KAZN: variants seen among roughly 807,000 people sequenced by gnomAD.
The protein encoded by KAZN is kazrin, periplakin interacting protein.
KAZN carries 40 observed loss-of-function variants against 87.4 expected under a neutral mutation model. The ratio of observed to expected loss-of-function variants is 0.46; its 90% CI spans 0.36 to 0.60. The LOEUF (loss-of-function observed/expected upper bound fraction) is 0.60, where lower values mean the gene tolerates loss of function less well. Ranked by LOEUF, KAZN falls within the 20% of genes least tolerant of loss-of-function variation. The probability of loss-of-function intolerance (pLI) is 0.00; values close to 1 mark genes in which losing one functional copy is unlikely to be tolerated. For synonymous variants in KAZN, 466 were observed against 458.3 expected, an observed-to-expected ratio of 1.02 and a Z score of -0.22; for missense variants, 898 against 1,073.9, an observed-to-expected ratio of 0.84 and a Z score of 2.29.
intron 8 of KAZN, among the ~76,000 whole-genome samples, chr1:15,089,282 A>C (rs986167463): frequency 6.6e-6 from 1 of 152,106 alleles, no homozygotes; most frequent in Non-Finnish European, 1.5e-5. Flanking sequence ...CAAGGGCTGC[A>C]GACACCCCCC....
At chr1:14,998,820 G>T (rs914404435) in intron 2 of KAZN, among the ~76,000 whole-genome samples, 11 of 152,190 alleles carry the variant, frequency 7.2e-5, no homozygotes, top group Admixed American at 6.5e-4. Flanking sequence ...ACAGTGCTGG[G>T]ATTACAGGCG....
intron 1 of KAZN, among the ~76,000 whole-genome samples, chr1:14,731,360 GC>G (rs1490773645): frequency 6.6e-6 from 1 of 152,176 alleles, no homozygotes; most frequent in Non-Finnish European, 1.5e-5. Context: ...CAGTCAAGAT[GC>G]CCAAGCCAGC....
rs1217758408 is a variant in KAZN at position 14,871,831 on chromosome 1, A to T, written c.227-88853A>T. Among the ~76,000 whole-genome samples, 4 of 152,082 alleles carry T rather than the reference A, an allele frequency of 2.6e-5. No homozygotes were observed. The East Asian group carries it at 7.8e-4, about 30-fold the overall frequency. ...TTGGAATCAGAGTGGGGTCAGCCCC[A>T]CGTGAGTCTCAGTGTCATGGACTCA... is the stretch of plus-strand genomic sequence containing the variant. On this transcript the variant is annotated intron_variant, in intron 1 of 14. Coordinates refer to ENST00000376030, the MANE Select transcript of KAZN (RefSeq NM_201628.3).
At chr1:13,982,596 C>T (rs1638787819) in intron 1 of KAZN, among the ~76,000 whole-genome samples, 1 of 152,190 alleles carries the variant, frequency 6.6e-6, no homozygotes, top group African/African-American at 2.4e-5. Context: ...TCTTATCTGG[C>T]CCCACCCACA....
rs1428016341 is a variant in KAZN at position 15,099,040 on chromosome 1, C to T, written c.1548-2503C>T. On this transcript the variant is annotated intron_variant, in intron 10 of 14. Coordinates refer to ENST00000376030, the MANE Select transcript of KAZN (RefSeq NM_201628.3). The surrounding 1 kb of genome is among the most constrained non-coding windows in gnomAD (Gnocchi z 5.4). ...TTGGACACAGAGAAGGGCTCCTGAC[C>T]CAGCATGACATCTTGGAAGGCTTCC... Among the ~76,000 whole-genome samples, 1 of 152,158 alleles carries T rather than the reference C, an allele frequency of 6.6e-6. No individual in the cohort carries two copies. Among genetic ancestry groups the T allele is most frequent in the Non-Finnish European group, 1.5e-5 (1 of 68,026 alleles).
At chr1:14,713,942 C>A (rs1469320129) in intron 1 of KAZN, among the ~76,000 whole-genome samples, 1 of 151,898 alleles carries the variant, frequency 6.6e-6, no homozygotes, top group African/African-American at 2.4e-5. Flanking sequence ...GGCAACAGAG[C>A]GAGATCCTGT....
chr1:14,608,566 A>C lies in KAZN; in HGVS notation c.226+9343A>C, dbSNP rs537566467. ...AGTACAACTGTTTGGATAGATTGGA[A>C]TTGGACACTGCAGAGAACAGCTACT... On this transcript the variant is annotated intron_variant, in intron 1 of 14. Transcript: ENST00000376030. Among the ~76,000 whole-genome samples the C allele has an allele frequency of 8.5e-5, 13 of 152,352 alleles. No homozygotes were observed. In the South Asian group the frequency reaches 2.7e-3, roughly 32 times the overall value.
intron 8 of KAZN, among the ~76,000 whole-genome samples, chr1:15,089,073 C>T (rs1573282763): frequency 6.6e-6 from 1 of 152,040 alleles, no homozygotes; most frequent in Admixed American, 6.5e-5. Flanking sequence ...CCTCTCTGAC[C>T]TCGACTCCCT....
chr1:15,102,852 C>G (rs940891341), intron 11 of KAZN, among the ~76,000 whole-genome samples: 1 of 152,358 alleles, frequency 6.6e-6, no homozygotes, highest in African/African-American at 2.4e-5. Flanking sequence ...AGGACAGCAG[C>G]AGTGCCTTCC....
chr1:14,135,828 G>A (rs1046788228), intron 1 of KAZN, among the ~76,000 whole-genome samples: 2 of 152,122 alleles, frequency 1.3e-5, no homozygotes, highest in African/African-American at 2.4e-5. Context: ...TTGCCATCTC[G>A]AATTAAAATG....
chr1:14,269,454 T>C (rs1651754706), intron 2 of KAZN, among the ~76,000 whole-genome samples: 1 of 151,950 alleles, frequency 6.6e-6, no homozygotes. Context: ...GACTTGGTAA[T>C]GGAAAGAACA....
chr1:14,765,513 C>T (rs779291415), intron 1 of KAZN, among the ~76,000 whole-genome samples: 3 of 152,132 alleles, frequency 2.0e-5, no homozygotes, highest in Non-Finnish European at 4.4e-5. Flanking sequence ...TAGTGTGGAC[C>T]ATTTGAGAAG....
intron 2 of KAZN, among the ~76,000 whole-genome samples, chr1:15,028,364 A>G (rs572990186): frequency 6.6e-6 from 1 of 152,310 alleles, no homozygotes; most frequent in Non-Finnish European, 1.5e-5. Flanking sequence ...TTGGGAAGTC[A>G]TGCAGAGCGC....
At position 13,943,373 on chromosome 1, in the gene KAZN, G is replaced by A. The variant is rs146688982; in HGVS notation, c.91+49617G>A. On this transcript the variant is annotated intron_variant, in intron 1 of 16. Coordinates refer to the KAZN transcript ENST00000636203. ...TAATCCTAGCACTTTGGGAGGCTGAGGTGGGAGGATCCCTTGAGGCCAGGA... is the reference window on the plus strand; with the variant it reads ...TAATCCTAGCACTTTGGGAGGCTGAAGTGGGAGGATCCCTTGAGGCCAGGA... 7.9e-5 allele frequency among the ~76,000 whole-genome samples: 12 copies of A among 152,236 alleles called. No homozygotes were observed. The East Asian group carries it at 2.1e-3, about 27-fold the overall frequency.
intron 2 of KAZN, among the ~76,000 whole-genome samples, chr1:14,528,770 AAT>A (rs1553184480): frequency 1.3e-5 from 2 of 151,176 alleles, no homozygotes; most frequent in African/African-American, 4.9e-5. Context: ...AAAAAAAAAA[AAT>A]AGACAGCTCT....
intron 2 of KAZN, among the ~76,000 whole-genome samples, chr1:14,533,007 G>A (rs940798287): frequency 2.0e-5 from 3 of 152,084 alleles, no homozygotes; most frequent in South Asian, 2.1e-4. Context: ...GGCTGGGTCA[G>A]ATGGTATTTC....
chr1:14,396,168 CA>C (rs764796102), intron 2 of KAZN, among the ~76,000 whole-genome samples: 53 of 120,914 alleles, frequency 4.4e-4, no homozygotes, highest in South Asian at 2.4e-3. Context: ...GACTCCGTCT[CA>C]AAAAAAAAAA....
intron 2 of KAZN, among the ~76,000 whole-genome samples, chr1:14,579,500 C>T (rs887652677): frequency 6.6e-6 from 1 of 152,008 alleles, no homozygotes; most frequent in African/African-American, 2.4e-5. Context: ...TGGCGGGCGC[C>T]TGTAGTCCCA....
At chr1:15,108,878 C>A (rs114143059) in intron 13 of KAZN, among the ~76,000 whole-genome samples, 2 of 152,162 alleles carry the variant, frequency 1.3e-5, no homozygotes, top group Non-Finnish European at 2.9e-5. Flanking sequence ...CTTAATAGGT[C>A]GGTTCAAAGC....
Sources: allele counts gnomAD v4.1 joint callset (sites outside exome capture counted in the v4.1 genomes callset), GRCh38; gene constraint gnomAD v4.1.1; non-coding constraint Gnocchi (gnomAD v3.1); transcripts MANE v1.5; gene names NCBI Gene and HGNC (gene_info 2026-07-23, HGNC 2026-07-21).